PLEK: variants seen among roughly 807,000 people sequenced by gnomAD.
PLEK encodes the protein platelet 47 kDa protein.
PLEK carries 25 observed loss-of-function variants against 43.9 expected under a neutral mutation model. The observed-to-expected ratio is 0.57, with a 90% CI of 0.41 to 0.79. The LOEUF is 0.79. Among genes scored for constraint, PLEK ranks in the 30% least tolerant of loss-of-function variants. The pLI, the probability that PLEK is intolerant of heterozygous loss-of-function variation, is 0.00. For synonymous variants in PLEK, 152 were observed against 144.4 expected (o/e 1.05, Z -0.38); for missense variants, 396 against 413.3 (o/e 0.96, Z 0.36).
At chr2:68,387,186 A>G (rs1673764916) in intron 5 of PLEK, among the ~76,000 whole-genome samples, 1 of 152,102 alleles carries the variant, frequency 6.6e-6, no homozygotes, top group African/African-American at 2.4e-5. Context: ...TCGTATTTTT[A>G]GTAAAGACAG....
chr2:68,391,713 A>G (rs1289511794), intron 6 of PLEK, among the ~76,000 whole-genome samples: 2 of 152,264 alleles, frequency 1.3e-5, no homozygotes, highest in African/African-American at 2.4e-5. Context: ...TTTCAGCACA[A>G]GTAAAATGAA....
At chr2:68,380,554 A>G in intron 2 of PLEK, 71 bp downstream of exon 2, 1 of 1,510,006 alleles carries the variant, frequency 6.6e-7, no homozygotes, top group East Asian at 2.3e-5. Flanking sequence ...CATTGCCTAC[A>G]ATGTGGGTGG....
intron 1 of PLEK, among the ~76,000 whole-genome samples, chr2:68,367,435 T>G (rs925988943): frequency 5.3e-5 from 8 of 152,148 alleles, no homozygotes; most frequent in African/African-American, 1.2e-4. Flanking sequence ...CCCTCCACTC[T>G]CACATAGCTT....
intron 4 of PLEK, among the ~76,000 whole-genome samples, chr2:68,386,096 TG>T (rs1673736706): frequency 6.6e-6 from 1 of 151,590 alleles, no homozygotes; most frequent in South Asian, 2.1e-4. Flanking sequence ...ATTTTATTTT[TG>T]TTTTTATTTA....
chr2:68,385,027 A>C (rs1673708852), intron 4 of PLEK, among the ~76,000 whole-genome samples: 1 of 152,242 alleles, frequency 6.6e-6, no homozygotes, highest in Non-Finnish European at 1.5e-5. Flanking sequence ...TGAGGGTGGC[A>C]TCCCTACTGC....
chr2:68,384,684 G>A lies in PLEK; in HGVS notation c.473-1818G>A, dbSNP rs529254100. Among the ~76,000 whole-genome samples, 17 of 152,284 alleles carry A rather than the reference G, an allele frequency of 1.1e-4. No individual in the cohort carries two copies. The South Asian group carries it at 2.1e-3, about 19-fold the overall frequency. On this transcript the variant is annotated intron_variant, in intron 4 of 8. Coordinates refer to ENST00000234313, the MANE Select transcript of PLEK (RefSeq NM_002664.3). ...ACATGATGGAAGACCTTAAATGTCC[G>A]ATGACAGGCAGACTAGACCAAACTT... is the stretch of plus-strand genomic sequence containing the variant.
intron 6 of PLEK, among the ~76,000 whole-genome samples, chr2:68,390,500 A>G (rs1020882822): frequency 1.3e-5 from 2 of 152,196 alleles, no homozygotes; most frequent in African/African-American, 4.8e-5. Flanking sequence ...TTGTTCTTTT[A>G]CAATATTCTT....
chr2:68,365,627 CAGGGCCTGGA>C (rs1673254512), intron 1 of PLEK: 1 of 480,248 alleles, frequency 2.1e-6, no homozygotes, highest in Non-Finnish European at 3.8e-6. Flanking sequence ...TTCCAGATGG[CAGGGCCTGGA>C]AGGTGGGGAT....
Position 68,396,803 on chromosome 2 carries a change from G to A in PLEK, c.*987G>A, listed in dbSNP as rs1048834889. 2 of 152,314 alleles carry A rather than the reference G, an allele frequency of 1.3e-5. No individual in the cohort carries two copies. Among genetic ancestry groups the A allele is most frequent in the African/African-American group, 4.8e-5 (2 of 41,460 alleles). 9.4% of individuals were successfully genotyped at this position (152,314 alleles called of 1,614,324 possible). On this transcript the variant is annotated 3_prime_UTR_variant, in exon 9 of 9. Transcript: ENST00000234313. ...TGTCTTGCGGCAGCTGCAGCAAGTG[G>A]AGGGGCTGAACTACTGGCCAGCTCA...
intron 3 of PLEK, among the ~76,000 whole-genome samples, chr2:68,381,406 T>C (rs1305377680): frequency 6.6e-6 from 1 of 152,188 alleles, no homozygotes; most frequent in Non-Finnish European, 1.5e-5. Flanking sequence ...GAATTGCAGG[T>C]GATAGTTGTA....
intron 1 of PLEK, among the ~76,000 whole-genome samples, chr2:68,370,329 T>A (rs1211436989): frequency 1.3e-5 from 2 of 152,188 alleles, no homozygotes; most frequent in African/African-American, 4.8e-5. Context: ...AGCCATTGGT[T>A]GTAGCTTCTT....
In PLEK at chr2:68,395,689, G is replaced by T; in HGVS notation, c.926G>T (p.Ser309Ile). 5 of 1,614,112 alleles carry T rather than the reference G, an allele frequency of 3.1e-6. No homozygotes were observed. Among genetic ancestry groups the T allele is most frequent in the Non-Finnish European group, 4.2e-6 (5 of 1,179,966 alleles). The change falls in exon 9 of 9, where the codon AGT becomes ATT. Residue 309 changes from serine to isoleucine, a missense_variant. Physicochemically the swap from Ser to Ile is moderately radical, Grantham distance 142. Coordinates refer to ENST00000234313, the MANE Select transcript of PLEK (RefSeq NM_002664.3). ...CCTTCTCTTTCCCCAGGCAGGAAGA[G>T]TGAGGAAGAGAACCTTTTTGAGATC... The part of the protein sequence containing the change: ...SVESNSNGRK[S>I]EEENLFEIIT...
intron 1 of PLEK, among the ~76,000 whole-genome samples, chr2:68,377,114 G>A (rs1673520434): frequency 6.6e-6 from 1 of 152,072 alleles, no homozygotes; most frequent in South Asian, 2.1e-4. Context: ...TCTTTTTTAT[G>A]GCAAAGTAGC....
chr2:68,378,973 A>T (rs1302418884), intron 1 of PLEK, among the ~76,000 whole-genome samples: 1 of 152,096 alleles, frequency 6.6e-6, no homozygotes, highest in Non-Finnish European at 1.5e-5. Context: ...ACTGAAAAAA[A>T]TAACATAAAT....
At chr2:68,390,989 A>G (rs1673847049) in intron 6 of PLEK, among the ~76,000 whole-genome samples, 1 of 152,226 alleles carries the variant, frequency 6.6e-6, no homozygotes, top group South Asian at 2.1e-4. Context: ...ACAATGTGTT[A>G]TATATGCTTC....
intron 1 of PLEK, among the ~76,000 whole-genome samples, chr2:68,369,087 C>A (rs1673341216): frequency 1.3e-5 from 2 of 152,220 alleles, no homozygotes; most frequent in South Asian, 4.1e-4. Context: ...TTTGTGCCTA[C>A]TGATTCATCA....
At chr2:68,382,427 T>G in intron 3 of PLEK, 115 bp from the exon 4 acceptor site, 1 of 633,604 alleles carries the variant, frequency 1.6e-6, no homozygotes, top group South Asian at 1.9e-5. Context: ...ATACCTGGGG[T>G]GGGGGAGCTT....
intron 1 of PLEK, among the ~76,000 whole-genome samples, chr2:68,376,442 A>T (rs1441741860): frequency 6.6e-6 from 1 of 152,110 alleles, no homozygotes; most frequent in Non-Finnish European, 1.5e-5. Flanking sequence ...GCAAATGTGG[A>T]CCACCTGCCT....
intron 1 of PLEK, among the ~76,000 whole-genome samples, chr2:68,369,771 G>C (rs1167821836): frequency 6.6e-6 from 1 of 152,192 alleles, no homozygotes; most frequent in Non-Finnish European, 1.5e-5. Context: ...TAAGGTTACA[G>C]AGCCTGGAAG....
Sources: gnomAD v4.1 joint callset for allele counts (sites outside exome capture counted in the v4.1 genomes callset) on GRCh38, gnomAD v4.1.1 for gene constraint, MANE v1.5 for transcripts, NCBI Gene and HGNC (gene_info 2026-07-23, HGNC 2026-07-21) for gene names.